Variants in COL26A1 observed in about 807,000 individuals in gnomAD.
The protein encoded by COL26A1 is collagen alpha-1(XXVI) chain.
COL26A1 carries 41 observed loss-of-function variants against 59.3 expected under a neutral mutation model. That is an observed-to-expected ratio of 0.69 (90% CI 0.54 to 0.90). COL26A1 has a LOEUF of 0.90. Ranked by LOEUF, COL26A1 falls within the 40% of genes least tolerant of loss-of-function variation. COL26A1 has a pLI of 0.00. For missense variants in COL26A1, 612 were observed against 602.3 expected (o/e 1.02, Z -0.17); for synonymous variants, 266 against 256.0 (o/e 1.04, Z -0.37).
chr7:101,553,389 G>C lies in COL26A1; in HGVS notation c.1080+13G>C, dbSNP rs564774873. ...CGCCACTGCAGAGGTAACCATGGCTGCCCTTCACGTTCCCTCCCGCCTCCT... is the reference window on the plus strand; with the variant it reads ...CGCCACTGCAGAGGTAACCATGGCTCCCCTTCACGTTCCCTCCCGCCTCCT... On this transcript the variant is annotated intron_variant, in intron 11 of 12. Transcript: ENST00000313669. The C allele has an allele frequency of 2.2e-5, 35 of 1,613,088 alleles. 1 individual carries two copies. In the South Asian group the frequency reaches 3.7e-4, roughly 17 times the overall value.
At chr7:101,417,497 C>T (rs1584389561) in intron 1 of COL26A1, among the ~76,000 whole-genome samples, 1 of 133,878 alleles carries the variant, frequency 7.5e-6, no homozygotes, top group Admixed American at 7.6e-5. Flanking sequence ...TGCCTAATAT[C>T]TTTTTTTTTT....
At chr7:101,448,861 T>C (rs1388932693) in intron 3 of COL26A1, among the ~76,000 whole-genome samples, 1 of 152,238 alleles carries the variant, frequency 6.6e-6, no homozygotes, top group Non-Finnish European at 1.5e-5. Flanking sequence ...AATTCTTCTC[T>C]TCTCTGTCAT....
At chr7:101,491,673 T>C (rs936975621) in intron 3 of COL26A1, among the ~76,000 whole-genome samples, 3 of 152,146 alleles carry the variant, frequency 2.0e-5, no homozygotes, top group African/African-American at 7.2e-5. Context: ...ATTTGTAAAC[T>C]GTCATGGTGC....
At chr7:101,411,782 G>C (rs1421319986) in intron 1 of COL26A1, among the ~76,000 whole-genome samples, 1 of 152,040 alleles carries the variant, frequency 6.6e-6, no homozygotes, top group Admixed American at 6.6e-5. Context: ...GGATGAGGAA[G>C]TGGGGACAGA....
At chr7:101,529,304 T>C (rs1384257736) in intron 3 of COL26A1, among the ~76,000 whole-genome samples, 2 of 152,204 alleles carry the variant, frequency 1.3e-5, no homozygotes, top group East Asian at 3.9e-4. Flanking sequence ...AGTTTTGCTC[T>C]CTTGGCCAGG....
At chr7:101,488,629 G>A (rs545024806) in intron 3 of COL26A1, among the ~76,000 whole-genome samples, 1 of 151,868 alleles carries the variant, frequency 6.6e-6, no homozygotes, top group Non-Finnish European at 1.5e-5. Flanking sequence ...TCCCTCCTCG[G>A]CCTCCCAAAG....
chr7:101,407,180 A>C (rs1792147393), intron 1 of COL26A1, among the ~76,000 whole-genome samples: 1 of 152,020 alleles, frequency 6.6e-6, no homozygotes, highest in African/African-American at 2.4e-5. Context: ...CCTTATCCTG[A>C]GTGATGCCTG....
intron 3 of COL26A1, among the ~76,000 whole-genome samples, chr7:101,515,828 A>G (rs1205300895): frequency 2.6e-5 from 4 of 151,966 alleles, no homozygotes; most frequent in Admixed American, 6.6e-5. Flanking sequence ...GCCTCCAGTG[A>G]TCTGCCCACT....
chr7:101,511,338 A>T (rs74633123), intron 3 of COL26A1, among the ~76,000 whole-genome samples: 1 of 152,186 alleles, frequency 6.6e-6, no homozygotes, highest in Non-Finnish European at 1.5e-5. Flanking sequence ...TTGGGAAAGC[A>T]TAACCCGCTG....
chr7:101,539,930 C>T lies in COL26A1; in HGVS notation c.485C>T (p.Pro162Leu), dbSNP rs371175760. The change falls in exon 5 of 13, where the codon CCG becomes CTG. Residue 162 changes from proline to leucine, a missense_variant. Coordinates refer to ENST00000313669, the MANE Select transcript of COL26A1 (RefSeq NM_001278563.3). The stretch of plus-strand genomic sequence containing the variant: ...GAAGCAGCAGAACGGCCCTCCAGCC[C>T]GGACAACGACCTGCCAGCCCCCGAG... ...LLEAAERPSSPDNDLPAPEST... is the reference protein window; with the variant it reads ...LLEAAERPSSLDNDLPAPEST... 6.2e-6 allele frequency: 10 copies of T among 1,613,416 alleles called. No homozygotes were observed. Among genetic ancestry groups the T allele is most frequent in the East Asian group, 4.5e-5 (2 of 44,854 alleles).
chr7:101,537,971 C>G (rs1795518357), intron 4 of COL26A1, among the ~76,000 whole-genome samples: 1 of 152,110 alleles, frequency 6.6e-6, no homozygotes, highest in Non-Finnish European at 1.5e-5. Flanking sequence ...CTGCCCCTCT[C>G]CCGTGCCCTT....
intron 1 of COL26A1, among the ~76,000 whole-genome samples, chr7:101,416,311 G>A: frequency 7.0e-6 from 1 of 142,956 alleles, no homozygotes; most frequent in Non-Finnish European, 1.6e-5. Flanking sequence ...AGGATTGCAT[G>A]AGCCCAGGAG....
In COL26A1 at chr7:101,539,483, G is replaced by A. The variant is rs1465620520; in HGVS notation, c.448-410G>A. On this transcript the variant is annotated intron_variant, in intron 4 of 12. Transcript: ENST00000313669. ...TGGGACTGCAGGCGTGTGCCACCACGCCTGGCTAATTTTCTTTATTTTTTG... is the reference window on the plus strand; with the variant it reads ...TGGGACTGCAGGCGTGTGCCACCACACCTGGCTAATTTTCTTTATTTTTTG... 3.9e-5 allele frequency among the ~76,000 whole-genome samples: 6 copies of A among 151,968 alleles called. No individual in the cohort carries two copies. In the South Asian group the frequency reaches 6.2e-4, roughly 16 times the overall value.
chr7:101,456,620 C>T (rs1434446357), intron 3 of COL26A1, among the ~76,000 whole-genome samples: 1 of 107,874 alleles, frequency 9.3e-6, no homozygotes, highest in Non-Finnish European at 1.8e-5. Context: ...GCCGAGATCA[C>T]GCCATTGCAC....
At chr7:101,474,471 A>T (rs1437141145) in intron 3 of COL26A1, among the ~76,000 whole-genome samples, 1 of 152,066 alleles carries the variant, frequency 6.6e-6, no homozygotes, top group Non-Finnish European at 1.5e-5. Context: ...ACACACCTGT[A>T]GACTCAGCTA....
In COL26A1 at chr7:101,468,964, A is replaced by G. The variant is rs367899188; in HGVS notation, c.385+21177A>G. ...GACCTTGGCCAAGTCACAGCCTCGC[A>G]GGGCCTCGGTTTTCTCATCTGTGAA... is the stretch of plus-strand genomic sequence containing the variant. On this transcript the variant is annotated intron_variant, in intron 3 of 12. Coordinates refer to ENST00000313669, the MANE Select transcript of COL26A1 (RefSeq NM_001278563.3). Among the ~76,000 whole-genome samples the G allele has an allele frequency of 7.5e-3, 1,141 of 152,244 alleles. 10 individuals carry two copies. The highest frequency in any genetic ancestry group is 0.025 in the African/African-American group (1,056 of 41,562).
At chr7:101,533,854 G>C (rs1795421676) in intron 4 of COL26A1, among the ~76,000 whole-genome samples, 2 of 152,222 alleles carry the variant, frequency 1.3e-5, no homozygotes, top group Non-Finnish European at 2.9e-5. Flanking sequence ...ACTTACCCGA[G>C]GGTACCTCTG....
intron 3 of COL26A1, among the ~76,000 whole-genome samples, chr7:101,521,482 G>A (rs912216888): frequency 6.6e-5 from 10 of 152,142 alleles, no homozygotes; most frequent in African/African-American, 2.4e-4. Flanking sequence ...GGTGGTCAAG[G>A]AAGGCTTCCT....
At chr7:101,520,662 A>ACACACACACCC (rs915256077) in intron 3 of COL26A1, among the ~76,000 whole-genome samples, 7 of 143,356 alleles carry the variant, frequency 4.9e-5, no homozygotes, top group African/African-American at 1.8e-4. Context: ...ACACACACAC[A>ACACACACACCC]CCCCCGTGTT....
Sources: gnomAD v4.1 joint callset for allele counts (sites outside exome capture counted in the v4.1 genomes callset) on GRCh38, gnomAD v4.1.1 for gene constraint, MANE v1.5 for transcripts, NCBI Gene and HGNC (gene_info 2026-07-23, HGNC 2026-07-21) for gene names.